The following SLC22A15 variants were observed in gnomAD, a reference collection of about 807,000 sequenced individuals.
SLC22A15 encodes flipt 1.
Under a neutral mutation model 62.7 loss-of-function variants are expected in SLC22A15, and 45 were observed. The ratio of observed to expected loss-of-function variants is 0.72; its 90% confidence interval spans 0.56 to 0.92. SLC22A15 has a LOEUF of 0.92. SLC22A15 is among the 40% of genes least tolerant of loss of function. SLC22A15 has a pLI of 0.00. For synonymous variants in SLC22A15, 264 were observed against 267.0 expected, an observed-to-expected ratio of 0.99 and a Z score of 0.11; for missense variants, 622 against 665.6, an observed-to-expected ratio of 0.93 and a Z score of 0.72.
chr1:115,978,393 A>G (rs944760011), intron 1 of SLC22A15, among the ~76,000 whole-genome samples: 1 of 152,200 alleles, frequency 6.6e-6, no homozygotes, highest in Admixed American at 6.5e-5. Context: ...TTTGCTATCA[A>G]AAAGTTCCAA....
chr1:116,044,374 C>T (rs929625524), intron 8 of SLC22A15, among the ~76,000 whole-genome samples: 5 of 152,138 alleles, frequency 3.3e-5, no homozygotes, highest in South Asian at 2.1e-4. Context: ...CCGAGGCAGG[C>T]GGTCAGGAAT....
chr1:116,022,407 CT>C (rs36070928), intron 4 of SLC22A15, among the ~76,000 whole-genome samples: 77,649 of 151,908 alleles, frequency 0.51, 21,579 homozygotes, highest in Non-Finnish European at 0.64. Context: ...GCACTCTCTC[CT>C]TTGATTTCAG....
At chr1:116,061,919 A>G (rs1005255758) in intron 8 of SLC22A15, among the ~76,000 whole-genome samples, 1 of 152,188 alleles carries the variant, frequency 6.6e-6, no homozygotes, top group African/African-American at 2.4e-5. Context: ...TGTTATTTAA[A>G]GAACATCGGC....
intron 8 of SLC22A15, among the ~76,000 whole-genome samples, chr1:116,053,707 T>TG (rs1377691591): frequency 1.3e-5 from 2 of 152,198 alleles, no homozygotes; most frequent in Non-Finnish European, 2.9e-5. Context: ...GCGGATCTCT[T>TG]GGCAGAAACT....
chr1:116,065,854 T>G (rs1658484711), intron 10 of SLC22A15, among the ~76,000 whole-genome samples: 1 of 152,176 alleles, frequency 6.6e-6, no homozygotes, highest in African/African-American at 2.4e-5. Flanking sequence ...TGGAAGCAAC[T>G]GTTTTTCATG....
At chr1:116,058,578 AG>A (rs1658290186) in intron 8 of SLC22A15, among the ~76,000 whole-genome samples, 2 of 152,332 alleles carry the variant, frequency 1.3e-5, no homozygotes, top group South Asian at 4.1e-4. Flanking sequence ...AAGAATTAAA[AG>A]TAAAACTACC....
At chr1:115,986,936 C>A (rs1376837571) in intron 1 of SLC22A15, among the ~76,000 whole-genome samples, 2 of 152,172 alleles carry the variant, frequency 1.3e-5, no homozygotes, top group Non-Finnish European at 2.9e-5. Flanking sequence ...GAGGTTCAGA[C>A]TTGGATAACA....
chr1:116,000,961 A>G (rs1323461717), intron 2 of SLC22A15, among the ~76,000 whole-genome samples: 1 of 152,076 alleles, frequency 6.6e-6, no homozygotes, highest in South Asian at 2.1e-4. Context: ...ATTGCTCATT[A>G]ATGTCCTTTT....
chr1:116,051,878 G>A (rs1658062230), intron 8 of SLC22A15, among the ~76,000 whole-genome samples: 1 of 152,148 alleles, frequency 6.6e-6, no homozygotes, highest in Admixed American at 6.5e-5. Flanking sequence ...TTACAGTCCT[G>A]GGTATGTCTT....
At chr1:116,051,792 C>G (rs181668742) in intron 8 of SLC22A15, among the ~76,000 whole-genome samples, 3 of 152,320 alleles carry the variant, frequency 2.0e-5, no homozygotes, top group Admixed American at 6.5e-5. Context: ...GGTGATACAT[C>G]CTCTTCACAG....
intron 2 of SLC22A15, among the ~76,000 whole-genome samples, chr1:116,013,461 T>G (rs188367925): frequency 6.6e-6 from 1 of 152,256 alleles, no homozygotes; most frequent in East Asian, 1.9e-4. Context: ...ATATTGTAAT[T>G]TACATACCAA....
chr1:115,997,352 T>C (rs1288425975), intron 2 of SLC22A15, among the ~76,000 whole-genome samples: 1 of 152,156 alleles, frequency 6.6e-6, no homozygotes, highest in Non-Finnish European at 1.5e-5. Context: ...TCATCAGTAT[T>C]TTGATAGAGA....
At chr1:116,060,131 A>T (rs1379959427) in intron 8 of SLC22A15, among the ~76,000 whole-genome samples, 4 of 152,244 alleles carry the variant, frequency 2.6e-5, no homozygotes. Flanking sequence ...AGCCTTCCTG[A>T]GTATTTGCCA....
At chr1:116,038,353 T>C (rs1657688426) in intron 8 of SLC22A15, among the ~76,000 whole-genome samples, 1 of 152,236 alleles carries the variant, frequency 6.6e-6, no homozygotes, top group African/African-American at 2.4e-5. Flanking sequence ...GTAAATTGCT[T>C]CTTGTGGTTC....
chr1:116,031,542 G>A lies in SLC22A15; in HGVS notation c.905G>A (p.Arg302Gln), dbSNP rs755072773. 8.1e-6 allele frequency: 13 copies of A among 1,613,774 alleles called. No individual in the cohort carries two copies. Among genetic ancestry groups the A allele is most frequent in the African/African-American group, 8.0e-5 (6 of 74,896 alleles). The change falls in exon 6 of 12, where the codon CGG becomes CAG. Residue 302 changes from arginine (R) to glutamine (Q), a missense_variant. Arg to Gln is a conservative substitution (Grantham distance 43, BLOSUM62 1). Coordinates refer to ENST00000369503, the MANE Select transcript of SLC22A15 (RefSeq NM_018420.3). ...TGSFLDLFRY[R>Q]VLLGHTLILM... ...AGTTTCCTGGATCTCTTTCGTTACCGGGTCCTGTTAGGACACACTTTGATC... is the reference window on the plus strand; with the variant it reads ...AGTTTCCTGGATCTCTTTCGTTACCAGGTCCTGTTAGGACACACTTTGATC...
intron 2 of SLC22A15, among the ~76,000 whole-genome samples, chr1:115,998,020 T>C (rs968252812): frequency 1.3e-5 from 2 of 152,198 alleles, no homozygotes; most frequent in African/African-American, 4.8e-5. Flanking sequence ...TATCAAATGC[T>C]TTTTCAGCAT....
chr1:116,014,798 G>T (rs1191697272), intron 2 of SLC22A15, among the ~76,000 whole-genome samples: 1 of 152,036 alleles, frequency 6.6e-6, no homozygotes, highest in Non-Finnish European at 1.5e-5. Flanking sequence ...TCATATTTAG[G>T]TTTATTATAG....
chr1:115,979,118 TA>T (rs1654470248), intron 1 of SLC22A15, among the ~76,000 whole-genome samples: 1 of 152,212 alleles, frequency 6.6e-6, no homozygotes, highest in African/African-American at 2.4e-5. Context: ...CCATTATTAT[TA>T]TTTTTAAAAA....
chr1:116,037,493 G>C (rs908830854), intron 8 of SLC22A15, 105 bp downstream of exon 8: 5 of 858,558 alleles, frequency 5.8e-6, no homozygotes, highest in Non-Finnish European at 9.7e-6. Context: ...TTCTGTGATT[G>C]CATATTGTTT....
Sources: allele counts gnomAD v4.1 joint callset (sites outside exome capture counted in the v4.1 genomes callset), GRCh38; gene constraint gnomAD v4.1.1; transcripts MANE v1.5; gene names NCBI Gene and HGNC (gene_info 2026-07-23, HGNC 2026-07-21).